Variants in CORO1C observed in about 807,000 individuals in gnomAD.
CORO1C encodes coronin-1C.
Under a neutral mutation model 51.2 loss-of-function variants are expected in CORO1C, and 14 were observed. The ratio of observed to expected loss-of-function variants is 0.27; its 90% confidence interval spans 0.18 to 0.43. CORO1C has a LOEUF of 0.43. Among genes scored for constraint, CORO1C ranks in the 20% least tolerant of loss-of-function variants. The pLI is 1.00. For synonymous variants in CORO1C, 181 were observed against 210.5 expected (o/e 0.86, Z 1.21); for missense variants, 417 against 607.8 (o/e 0.69, Z 3.30).
intron 1 of CORO1C, among the ~76,000 whole-genome samples, chr12:108,716,992 G>A (rs2035353560): frequency 6.6e-6 from 1 of 152,216 alleles, no homozygotes; most frequent in African/African-American, 2.4e-5. Flanking sequence ...GGAGCTTACA[G>A]TCCACTGCAG....
At chr12:108,669,220 C>T (rs1463785372) in intron 3 of CORO1C, among the ~76,000 whole-genome samples, 1 of 152,180 alleles carries the variant, frequency 6.6e-6, no homozygotes, top group Non-Finnish European at 1.5e-5. Context: ...CAAATCAATG[C>T]TTAAATGCTT....
chr12:108,651,433 G>C (rs1161192635), intron 8 of CORO1C, among the ~76,000 whole-genome samples: 2 of 152,196 alleles, frequency 1.3e-5, no homozygotes, highest in African/African-American at 4.8e-5. Context: ...CTAAAAATCA[G>C]AAGTAGTACA....
chr12:108,658,998 A>G lies in CORO1C; in HGVS notation c.449-79T>C. On this transcript the variant is annotated intron_variant, in intron 4 of 10. Transcript: ENST00000261401. This position sits in a 1 kb window ranked among gnomAD's most constrained non-coding sequence, Gnocchi z 4.9. ...CACTCAGAAAACTACAGATACAGTG[A>G]GAATACACATATGTATATGCAGAGA... 1 of 1,423,854 alleles carries G rather than the reference A, an allele frequency of 7.0e-7. No individual in the cohort carries two copies. The highest frequency in any genetic ancestry group is 1.4e-5 in the African/African-American group (1 of 70,896). 88.2% of individuals were successfully genotyped at this position (1,423,854 alleles called of 1,614,324 possible). A position where few individuals can be genotyped will look rare whatever the true frequency, so the allele number is the denominator to read the frequency against.
intron 2 of CORO1C, among the ~76,000 whole-genome samples, chr12:108,695,994 CCA>C (rs2034666898): frequency 1.3e-5 from 2 of 151,942 alleles, no homozygotes; most frequent in South Asian, 4.2e-4. Flanking sequence ...CCAAATATTC[CCA>C]CACACAGCTC....
At chr12:108,681,407 T>A (rs11614170) in intron 2 of CORO1C, among the ~76,000 whole-genome samples, 8,795 of 152,236 alleles carry the variant, frequency 0.058, 658 homozygotes, top group East Asian at 0.25. Context: ...TCTATTCATA[T>A]CCTAGTGCAA....
intron 2 of CORO1C, among the ~76,000 whole-genome samples, chr12:108,698,452 G>T (rs889364943): frequency 6.6e-6 from 1 of 152,202 alleles, no homozygotes; most frequent in Non-Finnish European, 1.5e-5. Flanking sequence ...CTGTCGTCCA[G>T]GCTGGAGTGC....
intron 1 of CORO1C, among the ~76,000 whole-genome samples, chr12:108,720,394 CA>C (rs1301194797): frequency 6.6e-6 from 1 of 152,034 alleles, no homozygotes; most frequent in Non-Finnish European, 1.5e-5. Context: ...ATTTGCTTTA[CA>C]AATAAAGCAT....
chr12:108,662,605 C>G (rs1350399882), intron 3 of CORO1C, among the ~76,000 whole-genome samples: 1 of 152,002 alleles, frequency 6.6e-6, no homozygotes, highest in African/African-American at 2.4e-5. Flanking sequence ...CAAAACTCTC[C>G]AGTTAGAAGC....
intron 2 of CORO1C, among the ~76,000 whole-genome samples, chr12:108,687,464 G>C (rs1363853170): frequency 6.6e-6 from 1 of 152,092 alleles, no homozygotes; most frequent in Non-Finnish European, 1.5e-5. Context: ...TCCAGCCTGG[G>C]TGACAGAGTA....
chr12:108,721,317 T>C (rs1478289257), intron 1 of CORO1C, among the ~76,000 whole-genome samples: 1 of 152,162 alleles, frequency 6.6e-6, no homozygotes, highest in Non-Finnish European at 1.5e-5. Flanking sequence ...CTTCCCTAAT[T>C]ACACCAGTTC....
intron 3 of CORO1C, among the ~76,000 whole-genome samples, chr12:108,675,551 T>G (rs2033876976): frequency 6.6e-6 from 1 of 152,356 alleles, no homozygotes. Flanking sequence ...TTCATTATCT[T>G]GAGAACTAGG....
intron 1 of CORO1C, among the ~76,000 whole-genome samples, chr12:108,707,469 C>T (rs901411446): frequency 5.9e-5 from 9 of 152,216 alleles, no homozygotes; most frequent in South Asian, 4.1e-4. Context: ...TGGGACAATA[C>T]GTAAAATAGC....
At position 108,701,308 on chromosome 12, in the gene CORO1C, A is replaced by ACT; in HGVS notation, c.9_10dup (p.Val4GlufsTer16). Reference sequence around the variant, plus strand: ...ATGCCGAAACTTGCTCTGTCGTACCACTCGCCTCATCGTGTCTGCAAAGGA... The same window carrying ACT: ...ATGCCGAAACTTGCTCTGTCGTACCACTCTCGCCTCATCGTGTCTGCAAAGGA... On this transcript the variant is annotated frameshift_variant, in exon 2 of 11. Transcript: ENST00000261401. LOFTEE classifies it high-confidence loss of function. 6.2e-7 allele frequency: 1 copy of ACT among 1,614,052 alleles called. No individual in the cohort carries two copies. The highest frequency in any genetic ancestry group is 8.5e-7 in the Non-Finnish European group (1 of 1,179,988).
At chr12:108,647,786 T>G (rs1269756725) in intron 10 of CORO1C, among the ~76,000 whole-genome samples, 1 of 152,188 alleles carries the variant, frequency 6.6e-6, no homozygotes, top group Admixed American at 6.5e-5. Flanking sequence ...CCTGTGCATT[T>G]ACTCAAACAA....
chr12:108,654,966 A>G (rs117301595), intron 6 of CORO1C, among the ~76,000 whole-genome samples: 8,688 of 152,216 alleles, frequency 0.057, 514 homozygotes, highest in East Asian at 0.32. Context: ...TCAGCCTCCC[A>G]AAGTGCTGGG....
In CORO1C at chr12:108,691,555, TAA is replaced by T. The variant is rs1045009928; in HGVS notation, c.195+9567_195+9568del. Among the ~76,000 whole-genome samples, 90 of 152,202 alleles carry T rather than the reference TAA, an allele frequency of 5.9e-4. 1 individual carries two copies. The highest frequency in any genetic ancestry group is 5.9e-3 in the Admixed American group (90 of 15,286). ...AGACTGGCACGCTCCACAAACCCAG[TAA>T]AGAGTTAAACGTTCTTTGCACTTGA... On this transcript the variant is annotated intron_variant, in intron 2 of 10. Coordinates refer to ENST00000261401, the MANE Select transcript of CORO1C (RefSeq NM_014325.4).
At chr12:108,686,168 C>T (rs536631941) in intron 2 of CORO1C, among the ~76,000 whole-genome samples, 1 of 152,340 alleles carries the variant, frequency 6.6e-6, no homozygotes, top group Admixed American at 6.5e-5. Context: ...ACACAATTCT[C>T]ATTCGTCTGC....
chr12:108,662,075 G>A lies in CORO1C; in HGVS notation c.402C>T (p.Gly134=), dbSNP rs2033288766. 6.2e-7 allele frequency: 1 copy of A among 1,614,044 alleles called. No individual in the cohort carries two copies. The highest frequency in any genetic ancestry group is 1.7e-5 in the Admixed American group (1 of 60,010). Residue 134 remains glycine (G), a synonymous_variant, in exon 4 of 11, where the codon GGC becomes GGT. Transcript: ENST00000261401. ...GGGCCGTTGGATGCCAAGCCACGAT[G>A]CCGACTCTCTTTGAGTGGCCTTCCA... ...VILEGHSKRV[G]IVAWHPTARN...
chr12:108,690,293 G>T (rs1010253830), intron 2 of CORO1C, among the ~76,000 whole-genome samples: 6 of 135,972 alleles, frequency 4.4e-5, no homozygotes, highest in Middle Eastern at 4.0e-3. Flanking sequence ...GTAAAAGGAG[G>T]TGCTCTGGAA....
Sources: allele counts gnomAD v4.1 joint callset (sites outside exome capture counted in the v4.1 genomes callset), GRCh38; gene constraint gnomAD v4.1.1; non-coding constraint Gnocchi (gnomAD v3.1); transcripts MANE v1.5; gene names NCBI Gene and HGNC (gene_info 2026-07-23, HGNC 2026-07-21).